Variants in TUSC3 observed in about 807,000 individuals in gnomAD.
The protein encoded by TUSC3 is tumor suppressor candidate 3.
In TUSC3, 45 loss-of-function variants were observed where a neutral mutation model predicts 44.8. That is an observed-to-expected ratio of 1.00 (90% confidence interval 0.79 to 1.29). The LOEUF (loss-of-function observed/expected upper bound fraction) is 1.29, where lower values mean the gene tolerates loss of function less well. Among genes scored for constraint, TUSC3 ranks in the 50% most tolerant of loss-of-function variants. The probability of loss-of-function intolerance (pLI) is 0.00; values close to 1 mark genes in which losing one functional copy is unlikely to be tolerated. For synonymous variants in TUSC3, 212 were observed against 152.9 expected, an observed-to-expected ratio of 1.39 and a Z score of -2.85; for missense variants, 519 against 437.9, an observed-to-expected ratio of 1.19 and a Z score of -1.65.
At chr8:15,485,982 C>A (rs777147241) in intron 2 of TUSC3, among the ~76,000 whole-genome samples, 4 of 151,842 alleles carry the variant, frequency 2.6e-5, no homozygotes, top group Non-Finnish European at 5.9e-5. Flanking sequence ...TTAGTAGAGT[C>A]GGGGTTTCGC....
At chr8:15,563,114 A>G (rs751192657) in intron 1 of TUSC3, among the ~76,000 whole-genome samples, 7 of 152,248 alleles carry the variant, frequency 4.6e-5, no homozygotes, top group Middle Eastern at 3.4e-3. Context: ...TATAAAACCC[A>G]TATAAACAGG....
the TUSC3 span, among the ~76,000 whole-genome samples, chr8:15,811,945 G>A: frequency 0.27 from 40,859 of 151,940 alleles, 6,769 homozygotes; most frequent in African/African-American, 0.47. Flanking sequence ...TTTGAAGAAC[G>A]GAGGATTTTA....
At chr8:15,815,408 T>G in the TUSC3 span, among the ~76,000 whole-genome samples, 2 of 152,142 alleles carry the variant, frequency 1.3e-5, no homozygotes, top group African/African-American at 2.4e-5. Flanking sequence ...GTCTTAAAAA[T>G]TGAGTCAGAT....
At chr8:15,612,682 A>G (rs1804815013) in intron 1 of TUSC3, among the ~76,000 whole-genome samples, 1 of 152,214 alleles carries the variant, frequency 6.6e-6, no homozygotes, top group African/African-American at 2.4e-5. Context: ...GATTCTATTA[A>G]CTTCATTCAT....
the TUSC3 span, among the ~76,000 whole-genome samples, chr8:15,842,601 G>T: frequency 6.6e-6 from 1 of 152,268 alleles, no homozygotes; most frequent in African/African-American, 2.4e-5. Context: ...TGCAAAGCAA[G>T]ATTTGTACAC....
At chr8:15,811,726 G>T in the TUSC3 span, among the ~76,000 whole-genome samples, 3 of 152,128 alleles carry the variant, frequency 2.0e-5, no homozygotes, top group African/African-American at 7.2e-5. Context: ...AGGATAAATT[G>T]ACTTTTTAAA....
chr8:15,483,327 T>C (rs1358033270), intron 1 of TUSC3: 1 of 224,124 alleles, frequency 4.5e-6, no homozygotes, highest in Non-Finnish European at 8.9e-6. Flanking sequence ...TTTGTTGTTG[T>C]TGTTGTTGTT....
At chr8:15,601,663 C>A (rs2410278) in intron 1 of TUSC3, among the ~76,000 whole-genome samples, 1 of 151,438 alleles carries the variant, frequency 6.6e-6, no homozygotes, top group Non-Finnish European at 1.5e-5. Flanking sequence ...AGCAATAGGG[C>A]CATTGGTTTA....
chr8:15,619,201 G>T (rs937937884), intron 1 of TUSC3, among the ~76,000 whole-genome samples: 1 of 152,068 alleles, frequency 6.6e-6, no homozygotes, highest in Non-Finnish European at 1.5e-5. Flanking sequence ...CGAGATTTCA[G>T]TTCTTATTTT....
At chr8:15,849,359 C>A in the TUSC3 span, among the ~76,000 whole-genome samples, 1 of 152,132 alleles carries the variant, frequency 6.6e-6, no homozygotes, top group East Asian at 1.9e-4. Flanking sequence ...GTTGCACAGA[C>A]ACAAACTTGA....
At position 15,561,344 on chromosome 8, in the gene TUSC3, G is replaced by T. The variant is rs186409451; in HGVS notation, c.138+20776G>T. 7.6e-3 allele frequency among the ~76,000 whole-genome samples: 1,108 copies of T among 145,542 alleles called. 47 individuals are homozygous for T. Among genetic ancestry groups the T allele is most frequent in the African/African-American group, 0.027 (1,054 of 39,700 alleles). On this transcript the variant is annotated intron_variant, in intron 1 of 10. Transcript: ENST00000503731. Reference sequence around the variant, plus strand: ...GGTCAGGGGTCAGGGACCCACTTGAGGAGGCAGTCTGCCAGTTCTCAGATC... The same window carrying T: ...GGTCAGGGGTCAGGGACCCACTTGATGAGGCAGTCTGCCAGTTCTCAGATC...
intron 1 of TUSC3, among the ~76,000 whole-genome samples, chr8:15,478,561 G>A (rs572762955): frequency 6.6e-6 from 1 of 152,176 alleles, no homozygotes; most frequent in African/African-American, 2.4e-5. Context: ...GTTTGCTGAG[G>A]ACAATGGCTT....
chr8:15,421,573 G>A lies in TUSC3; in HGVS notation n.91+4268G>A, dbSNP rs147945105. ...ATCTGAAACACTGTAAAATTTATTTGTTTTAGTTATTTGTTATTGTCTCTA... is the reference window on the plus strand; with the variant it reads ...ATCTGAAACACTGTAAAATTTATTTATTTTAGTTATTTGTTATTGTCTCTA... On this transcript the variant is annotated intron_variant and non_coding_transcript_variant, in intron 1 of 5. Coordinates refer to the TUSC3 transcript ENST00000503191. Among the ~76,000 whole-genome samples, 724 of 152,146 alleles carry A rather than the reference G, an allele frequency of 4.8e-3. 6 individuals are homozygous for A. Among genetic ancestry groups the A allele is most frequent in the African/African-American group, 0.017 (685 of 41,508 alleles).
chr8:15,451,781 C>T (rs568504891), intron 1 of TUSC3, among the ~76,000 whole-genome samples: 8 of 152,054 alleles, frequency 5.3e-5, no homozygotes, highest in Admixed American at 2.6e-4. Flanking sequence ...GTCTGATGCT[C>T]TCTCCAGAAA....
At chr8:15,564,751 G>A (rs945633272) in intron 1 of TUSC3, among the ~76,000 whole-genome samples, 6 of 152,062 alleles carry the variant, frequency 3.9e-5, no homozygotes, top group Non-Finnish European at 7.4e-5. Context: ...GGTGATCTGT[G>A]TCGTCTGCAG....
chr8:15,600,742 A>G (rs1804252194), intron 1 of TUSC3, among the ~76,000 whole-genome samples: 1 of 151,690 alleles, frequency 6.6e-6, no homozygotes, highest in African/African-American at 2.4e-5. Context: ...CCTCTCAACA[A>G]CTAGTTAAGC....
At chr8:15,682,609 G>A (rs1585224874) in intron 6 of TUSC3, among the ~76,000 whole-genome samples, 1 of 152,206 alleles carries the variant, frequency 6.6e-6, no homozygotes, top group African/African-American at 2.4e-5. Flanking sequence ...TTTCCCCTGT[G>A]TGTCTATTAA....
At chr8:15,473,206 T>C (rs576376630) in intron 1 of TUSC3, among the ~76,000 whole-genome samples, 2 of 152,316 alleles carry the variant, frequency 1.3e-5, no homozygotes, top group Admixed American at 6.5e-5. Flanking sequence ...GTCAATATTA[T>C]ATTTGGAAGA....
At chr8:15,828,170 T>A in the TUSC3 span, among the ~76,000 whole-genome samples, 1 of 152,098 alleles carries the variant, frequency 6.6e-6, no homozygotes, top group South Asian at 2.1e-4. Context: ...AATTTTTGTA[T>A]TTTTAGTAGA....
Sources: allele counts gnomAD v4.1 joint callset (sites outside exome capture counted in the v4.1 genomes callset), GRCh38; gene constraint gnomAD v4.1.1; transcripts MANE v1.5; gene names NCBI Gene and HGNC (gene_info 2026-07-23, HGNC 2026-07-21).